Variants in CDC14A observed in about 807,000 individuals in gnomAD.
The protein encoded by CDC14A is cell division cycle 14A.
Under a neutral mutation model 74.4 loss-of-function variants are expected in CDC14A, and 53 were observed. The ratio of observed to expected loss-of-function variants is 0.71; its 90% confidence interval spans 0.57 to 0.89. The LOEUF is 0.89. Among genes scored for constraint, CDC14A ranks in the 40% least tolerant of loss-of-function variants. CDC14A has a pLI of 0.00. For missense variants in CDC14A, 646 were observed against 713.7 expected, an observed-to-expected ratio of 0.91 and a Z score of 1.08; for synonymous variants, 247 against 258.4, an observed-to-expected ratio of 0.96 and a Z score of 0.43.
At chr1:100,427,295 A>G (rs1663073727) in intron 5 of CDC14A, among the ~76,000 whole-genome samples, 1 of 152,186 alleles carries the variant, frequency 6.6e-6, no homozygotes, top group African/African-American at 2.4e-5. Flanking sequence ...TTAAAAATGA[A>G]GATGATTTTG....
intron 4 of CDC14A, among the ~76,000 whole-genome samples, chr1:100,420,063 C>CACACACATATATATATATATATAT: frequency 9.7e-5 from 6 of 61,592 alleles, no homozygotes; most frequent in African/African-American, 1.2e-4. Flanking sequence ...CACACACACA[C>CACACACATATATATATATATATAT]ATATATATAT....
At chr1:100,369,871 CA>C (rs1355028845) in intron 2 of CDC14A, among the ~76,000 whole-genome samples, 2 of 151,250 alleles carry the variant, frequency 1.3e-5, no homozygotes, top group Non-Finnish European at 2.9e-5. Flanking sequence ...AGTGCTGTGG[CA>C]TAATCATGGC....
At chr1:100,376,135 C>T (rs145717477) in intron 2 of CDC14A, among the ~76,000 whole-genome samples, 2,316 of 152,180 alleles carry the variant, frequency 0.015, 63 homozygotes, top group African/African-American at 0.053. Context: ...ACATCACACA[C>T]CAGGGCCTGC....
upstream of CDC14A, among the ~76,000 whole-genome samples, chr1:100,351,085 T>C (rs1235467109): frequency 1.3e-5 from 2 of 151,956 alleles, no homozygotes; most frequent in Non-Finnish European, 1.5e-5. Context: ...ATCCAACTAT[T>C]TGGGAGAATG....
intron 8 of CDC14A, 21 bp downstream of exon 8, chr1:100,455,513 C>T: frequency 1.5e-6 from 2 of 1,293,752 alleles, no homozygotes; most frequent in Non-Finnish European, 2.2e-6. Context: ...TTTTCCTTTA[C>T]CATCCAAACA....
chr1:100,420,077 T>TATATATATATATATATATATATAG (rs1662159182), intron 4 of CDC14A, among the ~76,000 whole-genome samples: 1 of 118,558 alleles, frequency 8.4e-6, no homozygotes, highest in Non-Finnish European at 1.8e-5. Flanking sequence ...TATATATATA[T>TATATATATATATATATATATATAG]ATATAGTGTG....
chr1:100,453,234 A>G (rs1255250019), intron 7 of CDC14A, among the ~76,000 whole-genome samples: 2 of 152,172 alleles, frequency 1.3e-5, no homozygotes, highest in East Asian at 1.9e-4. Flanking sequence ...CTCTCTCCAT[A>G]TGATTAATTA....
Position 100,508,676 on chromosome 1 carries a change from G to C in CDC14A, c.1755+9414G>C, listed in dbSNP as rs1449793975. On this transcript the variant is annotated intron_variant, in intron 15 of 15. Coordinates refer to ENST00000336454, the MANE Select transcript of CDC14A (RefSeq NM_003672.4). This position sits in a 1 kb window ranked among gnomAD's most constrained non-coding sequence, Gnocchi z 4.4. ...TGGCTCCATCTCAGCCCTGGCCCGA[G>C]GGCAATGGTCCCAATTTCTCTCAGC... is the stretch of plus-strand genomic sequence containing the variant. 6.6e-6 allele frequency among the ~76,000 whole-genome samples: 1 copy of C among 152,158 alleles called. No homozygotes were observed. The highest frequency in any genetic ancestry group is 1.5e-5 in the Non-Finnish European group (1 of 68,034).
intron 7 of CDC14A, among the ~76,000 whole-genome samples, chr1:100,454,303 GA>G (rs1162422724): frequency 2.3e-4 from 35 of 150,890 alleles, no homozygotes; most frequent in African/African-American, 8.0e-4. Flanking sequence ...CCAGTGAAGA[GA>G]ACAACATTGC....
intron 3 of CDC14A, among the ~76,000 whole-genome samples, chr1:100,386,003 C>A (rs1656805220): frequency 6.6e-6 from 1 of 151,942 alleles, no homozygotes. Flanking sequence ...CCCATCTCTA[C>A]TAAAAATACA....
At chr1:100,476,796 A>G (rs1261507908) in intron 10 of CDC14A, among the ~76,000 whole-genome samples, 1 of 152,202 alleles carries the variant, frequency 6.6e-6, no homozygotes, top group Non-Finnish European at 1.5e-5. Flanking sequence ...AAATACAGGC[A>G]TATTTTAATC....
At chr1:100,393,963 ATAT>A in intron 4 of CDC14A, 2 of 144,576 alleles carry the variant, frequency 1.4e-5, no homozygotes, top group Non-Finnish European at 2.7e-5. Flanking sequence ...GCAAAAAAAA[ATAT>A]ATATATATAT....
At chr1:100,422,548 G>C (rs1662492637) in intron 4 of CDC14A, among the ~76,000 whole-genome samples, 2 of 152,164 alleles carry the variant, frequency 1.3e-5, no homozygotes, top group Non-Finnish European at 2.9e-5. Flanking sequence ...ACTGAAAATG[G>C]TCTTTAGAGC....
intron 2 of CDC14A, among the ~76,000 whole-genome samples, chr1:100,356,088 C>T (rs537056273): frequency 9.9e-5 from 15 of 152,164 alleles, no homozygotes; most frequent in African/African-American, 3.6e-4. Flanking sequence ...AGTAAGTCCT[C>T]CAGTTTGCCT....
At chr1:100,454,401 G>A (rs1324315974) in intron 7 of CDC14A, among the ~76,000 whole-genome samples, 1 of 152,084 alleles carries the variant, frequency 6.6e-6, no homozygotes, top group Non-Finnish European at 1.5e-5. Flanking sequence ...CGTAAGTGAA[G>A]AGGTGATATA....
chr1:100,372,350 T>C (rs1370971213), intron 2 of CDC14A, among the ~76,000 whole-genome samples: 2 of 152,222 alleles, frequency 1.3e-5, no homozygotes, highest in Non-Finnish European at 2.9e-5. Flanking sequence ...GATTTCTCTG[T>C]AGCATGAGAT....
chr1:100,457,174 T>C (rs888790540), intron 8 of CDC14A, among the ~76,000 whole-genome samples: 9 of 152,246 alleles, frequency 5.9e-5, no homozygotes, highest in African/African-American at 1.7e-4. Context: ...TTGACTACGT[T>C]TTCTTAATGA....
At chr1:100,487,261 C>A (rs1044514054) in intron 11 of CDC14A, among the ~76,000 whole-genome samples, 2 of 152,106 alleles carry the variant, frequency 1.3e-5, no homozygotes. Context: ...TTGGAGAATT[C>A]GAATAGAGTT....
intron 5 of CDC14A, among the ~76,000 whole-genome samples, chr1:100,439,682 G>T (rs970916184): frequency 2.0e-5 from 3 of 152,184 alleles, no homozygotes; most frequent in African/African-American, 7.2e-5. Flanking sequence ...TGGTTGAATT[G>T]GAAGTGGAAC....
Sources: allele counts gnomAD v4.1 joint callset (sites outside exome capture counted in the v4.1 genomes callset), GRCh38; gene constraint gnomAD v4.1.1; non-coding constraint Gnocchi (gnomAD v3.1); transcripts MANE v1.5; gene names NCBI Gene and HGNC (gene_info 2026-07-23, HGNC 2026-07-21).